FSTL5: variants seen among roughly 807,000 people sequenced by gnomAD.
FSTL5 encodes the protein follistatin-related protein 5.
FSTL5 carries 62 observed loss-of-function variants against 89.1 expected under a neutral mutation model. The ratio of observed to expected loss-of-function variants is 0.70; its 90% CI spans 0.57 to 0.86. FSTL5 has a LOEUF of 0.86. Among genes scored for constraint, FSTL5 ranks in the 40% least tolerant of loss-of-function variants. The pLI, the probability that FSTL5 is intolerant of heterozygous loss-of-function variation, is 0.00. For missense variants in FSTL5, 1,057 were observed against 1,001.6 expected, an observed-to-expected ratio of 1.06 and a Z score of -0.75; for synonymous variants, 383 against 346.2, an observed-to-expected ratio of 1.11 and a Z score of -1.18.
At chr4:161,394,220 T>C (rs1730923748) in intron 15 of FSTL5, among the ~76,000 whole-genome samples, 1 of 152,204 alleles carries the variant, frequency 6.6e-6, no homozygotes, top group Non-Finnish European at 1.5e-5. Flanking sequence ...TTCTTACTTC[T>C]GGTAAAGTTT....
chr4:161,829,309 A>G (rs1311532164), intron 4 of FSTL5, among the ~76,000 whole-genome samples: 2 of 151,166 alleles, frequency 1.3e-5, no homozygotes, highest in East Asian at 3.9e-4. Context: ...GGAAAATATT[A>G]AACTATTTCC....
At chr4:161,887,590 G>A (rs1289802285) in intron 4 of FSTL5, among the ~76,000 whole-genome samples, 2 of 151,842 alleles carry the variant, frequency 1.3e-5, no homozygotes, top group Admixed American at 6.6e-5. Flanking sequence ...GGTACCTTTA[G>A]CATCTTTTAA....
intron 2 of FSTL5, among the ~76,000 whole-genome samples, chr4:162,086,280 T>C (rs968864405): frequency 6.6e-6 from 1 of 151,920 alleles, no homozygotes; most frequent in African/African-American, 2.4e-5. Flanking sequence ...GCCATTGCAT[T>C]TATATTCTCT....
chr4:162,045,686 C>T (rs1738143974), intron 2 of FSTL5, among the ~76,000 whole-genome samples: 1 of 152,050 alleles, frequency 6.6e-6, no homozygotes, highest in Admixed American at 6.6e-5. Context: ...CGGGCTACCA[C>T]GAACCTTCCA....
At chr4:161,433,129 A>C (rs111667780) in intron 15 of FSTL5, among the ~76,000 whole-genome samples, 12,142 of 151,932 alleles carry the variant, frequency 0.08, 624 homozygotes, top group Non-Finnish European at 0.12. Context: ...AAAAAAAAAA[A>C]AAACTATAGG....
chr4:161,578,848 A>G (rs1733329627), intron 8 of FSTL5, among the ~76,000 whole-genome samples: 2 of 152,116 alleles, frequency 1.3e-5, no homozygotes, highest in African/African-American at 4.8e-5. Flanking sequence ...AATAAAAACC[A>G]AAAACTGCCT....
intron 12 of FSTL5, among the ~76,000 whole-genome samples, chr4:161,482,344 G>A (rs1385052687): frequency 2.0e-5 from 3 of 151,986 alleles, no homozygotes; most frequent in African/African-American, 7.3e-5. Context: ...CAGTAAAAAT[G>A]TTATTTACAT....
chr4:161,812,675 T>C (rs1730191311), intron 4 of FSTL5, among the ~76,000 whole-genome samples: 2 of 152,200 alleles, frequency 1.3e-5, no homozygotes, highest in South Asian at 2.1e-4. Context: ...ATAATCTCTG[T>C]TGAGCAGGCT....
At chr4:162,047,546 TC>T (rs1207369280) in intron 2 of FSTL5, 6 of 151,972 alleles carry the variant, frequency 3.9e-5, no homozygotes, top group Non-Finnish European at 5.9e-5. Flanking sequence ...AACTATGAGT[TC>T]CGCGAGGTGC....
At chr4:161,561,652 AAAAG>A (rs1732606881) in intron 8 of FSTL5, among the ~76,000 whole-genome samples, 1 of 152,046 alleles carries the variant, frequency 6.6e-6, no homozygotes, top group Admixed American at 6.6e-5. Flanking sequence ...AAGGCAAAAA[AAAAG>A]AAAGAAAAGT....
At chr4:162,013,367 G>A (rs1736825299) in intron 3 of FSTL5, among the ~76,000 whole-genome samples, 1 of 152,058 alleles carries the variant, frequency 6.6e-6, no homozygotes, top group Non-Finnish European at 1.5e-5. Context: ...TCTATATGGA[G>A]GAACAACATT....
intron 3 of FSTL5, among the ~76,000 whole-genome samples, chr4:162,031,934 T>G (rs1012245805): frequency 6.6e-6 from 1 of 152,018 alleles, no homozygotes; most frequent in East Asian, 1.9e-4. Flanking sequence ...CGAGACTCCA[T>G]GTCAAAAAAA....
At chr4:161,967,593 A>C (rs1011987849) in intron 3 of FSTL5, among the ~76,000 whole-genome samples, 1 of 151,940 alleles carries the variant, frequency 6.6e-6, no homozygotes, top group Non-Finnish European at 1.5e-5. Context: ...AAATGATGTA[A>C]AGATAACCTA....
intron 6 of FSTL5, among the ~76,000 whole-genome samples, chr4:161,726,258 A>C: frequency 8.9e-6 from 1 of 112,056 alleles, no homozygotes; most frequent in Admixed American, 1.4e-4. Flanking sequence ...ACGGAATCTC[A>C]CTCTCTTACC....
chr4:161,714,554 T>C (rs1738911577), intron 6 of FSTL5, among the ~76,000 whole-genome samples: 1 of 152,212 alleles, frequency 6.6e-6, no homozygotes, highest in Non-Finnish European at 1.5e-5. Flanking sequence ...ATGTTCACTC[T>C]CTAAGCTGGA....
chr4:161,950,373 C>T (rs1734859012), intron 3 of FSTL5, among the ~76,000 whole-genome samples: 1 of 152,160 alleles, frequency 6.6e-6, no homozygotes, highest in East Asian at 1.9e-4. Context: ...TTCTGTTCTG[C>T]TGTCCTGAGC....
At chr4:161,558,124 C>T (rs1265599225) in intron 8 of FSTL5, among the ~76,000 whole-genome samples, 2 of 151,838 alleles carry the variant, frequency 1.3e-5, no homozygotes, top group South Asian at 2.1e-4. Flanking sequence ...GAGTGAAAAA[C>T]GTTTTATAAA....
At chr4:161,757,222 A>T (rs1329636899) in intron 6 of FSTL5, among the ~76,000 whole-genome samples, 1 of 152,148 alleles carries the variant, frequency 6.6e-6, no homozygotes, top group Non-Finnish European at 1.5e-5. Flanking sequence ...TAATTTAGTT[A>T]TTTAATTTCC....
At chr4:161,976,548 C>A (rs1735652638) in intron 3 of FSTL5, among the ~76,000 whole-genome samples, 1 of 152,128 alleles carries the variant, frequency 6.6e-6, no homozygotes. Flanking sequence ...GTGGTGCCAT[C>A]TCGGCTCACT....
Sources: gnomAD v4.1 joint callset for allele counts (sites outside exome capture counted in the v4.1 genomes callset) on GRCh38, gnomAD v4.1.1 for gene constraint, MANE v1.5 for transcripts, NCBI Gene and HGNC (gene_info 2026-07-23, HGNC 2026-07-21) for gene names.